The following CFDP1 variants were observed in gnomAD, a reference collection of about 807,000 sequenced individuals.
CFDP1 encodes the protein chromatin remodeling protein CFDP1.
Under a neutral mutation model 40.1 loss-of-function variants are expected in CFDP1, and 31 were observed. That is an observed-to-expected ratio of 0.77 (90% CI 0.58 to 1.04). CFDP1 has a LOEUF of 1.04. Ranked by LOEUF, CFDP1 falls within the 50% of genes least tolerant of loss-of-function variation. The pLI, the probability that CFDP1 is intolerant of heterozygous loss-of-function variation, is 0.00. For synonymous variants in CFDP1, 167 were observed against 120.0 expected (o/e 1.39, Z -2.56); for missense variants, 423 against 343.4 (o/e 1.23, Z -1.83).
In CFDP1 at chr16:75,325,238, T is replaced by A. The variant is rs139109463; in HGVS notation, c.651-20056A>T. On this transcript the variant is annotated intron_variant, in intron 5 of 6. Transcript: ENST00000283882. ...CACATCTTAGTTGTGGGGGACAACA[T>A]CTGTCCAGTCCTTACCTCCCAGACT... Among the ~76,000 whole-genome samples the A allele has an allele frequency of 2.1e-4, 32 of 152,330 alleles. No homozygotes were observed. In the East Asian group the frequency reaches 5.4e-3, roughly 26 times the overall value.
chr16:75,422,396 C>CTTTTT (rs765465924), intron 1 of CFDP1, among the ~76,000 whole-genome samples: 1 of 129,484 alleles, frequency 7.7e-6, no homozygotes. Flanking sequence ...CGTATGGCCT[C>CTTTTT]TTTTTTTTTT....
chr16:75,419,010 G>A (rs2151593435), intron 1 of CFDP1: 3 of 339,822 alleles, frequency 8.8e-6, no homozygotes, highest in South Asian at 4.3e-5. Context: ...AGGCATGGTG[G>A]CACGCACCTG....
At chr16:75,362,548 C>A (rs1256082161) in intron 5 of CFDP1, among the ~76,000 whole-genome samples, 1 of 152,198 alleles carries the variant, frequency 6.6e-6, no homozygotes, top group Non-Finnish European at 1.5e-5. Flanking sequence ...AATATGCTCA[C>A]CATGGCTCAA....
chr16:75,389,050 G>A (rs1322380272), intron 5 of CFDP1, among the ~76,000 whole-genome samples: 1 of 152,090 alleles, frequency 6.6e-6, no homozygotes, highest in Admixed American at 6.5e-5. Context: ...CTAAACAGTA[G>A]GCCCTTAATT....
intron 5 of CFDP1, among the ~76,000 whole-genome samples, chr16:75,366,342 A>G (rs2151535113): frequency 6.6e-6 from 1 of 152,316 alleles, no homozygotes; most frequent in East Asian, 1.9e-4. Context: ...ATGAACTTCA[A>G]AAACACCTTA....
At chr16:75,343,869 G>A (rs535062644) in intron 5 of CFDP1, among the ~76,000 whole-genome samples, 3 of 152,262 alleles carry the variant, frequency 2.0e-5, no homozygotes, top group African/African-American at 4.8e-5. Context: ...TTGAGTAGAC[G>A]GGGCAATACA....
Position 75,361,711 on chromosome 16 carries a change from T to C in CFDP1, c.650+33379A>G, listed in dbSNP as rs139037811. On this transcript the variant is annotated intron_variant, in intron 5 of 6. Transcript: ENST00000283882. ...AGAATTAAAAAAAGTTTTTTTACAATACACAATAGAACTGTCAAAAGGCAC... is the reference window on the plus strand; with the variant it reads ...AGAATTAAAAAAAGTTTTTTTACAACACACAATAGAACTGTCAAAAGGCAC... Among the ~76,000 whole-genome samples the C allele has an allele frequency of 1.4e-3, 212 of 152,286 alleles. 2 individuals carry two copies. The highest frequency in any genetic ancestry group is 4.8e-3 in the African/African-American group (201 of 41,564).
chr16:75,409,579 C>CTA (rs1202735543), intron 4 of CFDP1: 1 of 152,188 alleles, frequency 6.6e-6, no homozygotes, highest in Non-Finnish European at 1.5e-5. Flanking sequence ...GGGTCCTTCA[C>CTA]TATAGATAGT....
chr16:75,407,225 T>A (rs1471719251), intron 4 of CFDP1, among the ~76,000 whole-genome samples: 2 of 152,158 alleles, frequency 1.3e-5, no homozygotes, highest in East Asian at 1.9e-4. Context: ...AAACAAAAAA[T>A]AATCCTAGTA....
At chr16:75,300,228 G>A (rs1421654001) in intron 6 of CFDP1, among the ~76,000 whole-genome samples, 1 of 152,178 alleles carries the variant, frequency 6.6e-6, no homozygotes, top group Non-Finnish European at 1.5e-5. Context: ...ATTTTGTGAT[G>A]AAACCATCAA....
At chr16:75,421,650 C>T (rs1241578927) in intron 1 of CFDP1, among the ~76,000 whole-genome samples, 8 of 152,106 alleles carry the variant, frequency 5.3e-5, no homozygotes, top group Admixed American at 5.2e-4. Context: ...AACAAGCATA[C>T]AAGGTGAATA....
intron 6 of CFDP1, among the ~76,000 whole-genome samples, chr16:75,296,737 T>A (rs1160553673): frequency 6.6e-6 from 1 of 152,200 alleles, no homozygotes; most frequent in African/African-American, 2.4e-5. Context: ...GGGGAACATG[T>A]GCAGGATGCA....
rs2078745483 is a variant in CFDP1 at position 75,370,707 on chromosome 16, A to C, written c.650+24383T>G. On this transcript the variant is annotated intron_variant, in intron 5 of 6. Coordinates refer to ENST00000283882, the MANE Select transcript of CFDP1 (RefSeq NM_006324.3). ...GCAAAACCCCGTCTCTACTAAACAT[A>C]CAAAAATTAGCTGGTGTGGTGGCAT... is the stretch of plus-strand genomic sequence containing the variant. Among the ~76,000 whole-genome samples the C allele has an allele frequency of 2.0e-5, 3 of 152,040 alleles. No individual in the cohort carries two copies. In the South Asian group the frequency reaches 6.2e-4, roughly 31 times the overall value.
chr16:75,369,183 C>T (rs565285558), intron 5 of CFDP1, among the ~76,000 whole-genome samples: 1 of 152,092 alleles, frequency 6.6e-6, no homozygotes, highest in South Asian at 2.1e-4. Flanking sequence ...AGTTTTTGAA[C>T]GTAAATAAGA....
chr16:75,347,343 C>CAAAAAAAAAAAAAAAAAAAAAAAAAAAA (rs762900031), intron 5 of CFDP1, among the ~76,000 whole-genome samples: 1 of 91,624 alleles, frequency 1.1e-5, no homozygotes, highest in Non-Finnish European at 2.1e-5. Flanking sequence ...GACTCCATCT[C>CAAAAAAAAAAAAAAAAAAAAAAAAAAAA]AAAAAAAAAA....
At chr16:75,365,146 C>T (rs1170373418) in intron 5 of CFDP1, among the ~76,000 whole-genome samples, 2 of 152,128 alleles carry the variant, frequency 1.3e-5, no homozygotes, top group Non-Finnish European at 2.9e-5. Context: ...AGCCCATAAA[C>T]AGCTTACAAA....
intron 5 of CFDP1, among the ~76,000 whole-genome samples, chr16:75,381,594 C>A (rs980181312): frequency 2.6e-5 from 4 of 152,156 alleles, no homozygotes; most frequent in African/African-American, 9.7e-5. Flanking sequence ...GATGAGAACA[C>A]TAGACTGGAA....
At chr16:75,313,424 G>A (rs1432730279) in intron 5 of CFDP1, among the ~76,000 whole-genome samples, 1 of 152,170 alleles carries the variant, frequency 6.6e-6, no homozygotes, top group East Asian at 1.9e-4. Context: ...CTGCTTCCTG[G>A]GTTCAAGTGA....
At position 75,396,128 on chromosome 16, in the gene CFDP1, A is replaced by G. The variant is rs2078993612; in HGVS notation, c.531-919T>C. On this transcript the variant is annotated intron_variant, in intron 4 of 6. Transcript: ENST00000283882. ...TCACACTGCACCCCACATGCAGATT[A>G]GCACTCAGCCTTGAAAGCTGAGATG... Among the ~76,000 whole-genome samples the G allele has an allele frequency of 1.9e-5, 2 of 103,942 alleles. 1 individual carries two copies. The highest frequency in any genetic ancestry group is 5.7e-5 in the African/African-American group (2 of 34,802). 68.2% of individuals were successfully genotyped at this position (103,942 alleles called of 152,430 possible). A position where few individuals can be genotyped will look rare whatever the true frequency, so the allele number is the denominator to read the frequency against.
Sources: allele counts gnomAD v4.1 joint callset (sites outside exome capture counted in the v4.1 genomes callset), GRCh38; gene constraint gnomAD v4.1.1; transcripts MANE v1.5; gene names NCBI Gene and HGNC (gene_info 2026-07-23, HGNC 2026-07-21).